Variants in PABPC1 observed in about 807,000 individuals in gnomAD.
The protein encoded by PABPC1 is polyadenylate-binding protein 1.
PABPC1 carries 4 observed loss-of-function variants against 74.0 expected under a neutral mutation model. That is an observed-to-expected ratio of 0.05 (90% confidence interval 0.03 to 0.12). The LOEUF (loss-of-function observed/expected upper bound fraction) is 0.12, where lower values mean the gene tolerates loss of function less well. PABPC1 is among the 10% of genes least tolerant of loss of function. The pLI is 1.00. For synonymous variants in PABPC1, 227 were observed against 264.1 expected (o/e 0.86, Z 1.36); for missense variants, 271 against 821.1 (o/e 0.33, Z 8.19).
chr8:100,704,218 AT>A, intron 14 of PABPC1, 78 bp downstream of exon 14: 1 of 1,102,522 alleles, frequency 9.1e-7, no homozygotes, highest in Non-Finnish European at 1.4e-6. Context: ...TGCTATGTAC[AT>A]TTCAAAATAT....
Position 100,721,789 on chromosome 8 carries a change from G to A in PABPC1, c.-206C>T. On this transcript the variant is annotated 5_prime_UTR_variant, in exon 1 of 15. Transcript: ENST00000318607. This position sits in a 1 kb window ranked among gnomAD's most constrained non-coding sequence, Gnocchi z 7.4. ...TGGCTGCCGGCTGCCGGCGGGGAGCGAGGGTGGCGGTGTCGGGTCCGGGCA... is the reference window on the plus strand; with the variant it reads ...TGGCTGCCGGCTGCCGGCGGGGAGCAAGGGTGGCGGTGTCGGGTCCGGGCA... 2.3e-6 allele frequency: 1 copy of A among 443,320 alleles called. No individual in the cohort carries two copies. Among genetic ancestry groups the A allele is most frequent in the Non-Finnish European group, 4.0e-6 (1 of 252,376 alleles). The allele number at this position is 443,320 out of a possible 1,614,324, so 27.5% of individuals were successfully genotyped here.
intron 13 of PABPC1, 44 bp from the exon 14 acceptor site, chr8:100,704,434 G>A: frequency 1.4e-6 from 2 of 1,458,490 alleles, no homozygotes; most frequent in Non-Finnish European, 1.9e-6. Context: ...GAAAGGAATG[G>A]AAATAAAGAG....
At chr8:100,708,301 A>T (rs962298838) in intron 9 of PABPC1, among the ~76,000 whole-genome samples, 6 of 152,178 alleles carry the variant, frequency 3.9e-5, no homozygotes, top group African/African-American at 1.4e-4. Flanking sequence ...CAAAAAATTT[A>T]AAAAATTAGC....
In PABPC1 at chr8:100,721,635, G is replaced by A. The variant is rs1163282673; in HGVS notation, c.-52C>T. 2.9e-6 allele frequency: 4 copies of A among 1,397,904 alleles called. No homozygotes were observed. The African/African-American group carries it at 4.4e-5, about 15-fold the overall frequency. 86.6% of individuals were successfully genotyped at this position (1,397,904 alleles called of 1,614,324 possible). Reference sequence around the variant, plus strand: ...AGGCCGCGACCTTTCCGTGAGAGGAGGAGAGCGAGTGCCGGGGCTGGGGGC... The same window carrying A: ...AGGCCGCGACCTTTCCGTGAGAGGAAGAGAGCGAGTGCCGGGGCTGGGGGC... On this transcript the variant is annotated 5_prime_UTR_variant, in exon 1 of 15. Coordinates refer to ENST00000318607, the MANE Select transcript of PABPC1 (RefSeq NM_002568.4). The surrounding 1 kb of genome is among the most constrained non-coding windows in gnomAD (Gnocchi z 7.4).
At position 100,721,289 on chromosome 8, in the gene PABPC1, C is replaced by A; in HGVS notation, c.193+102G>T. 3.0e-6 allele frequency: 1 copy of A among 334,890 alleles called. No homozygotes were observed. The allele number at this position is 334,890 out of a possible 1,614,324, so 20.7% of individuals were successfully genotyped here. On this transcript the variant is annotated intron_variant, in intron 1 of 14. Coordinates refer to ENST00000318607, the MANE Select transcript of PABPC1 (RefSeq NM_002568.4). This position sits in a 1 kb window ranked among gnomAD's most constrained non-coding sequence, Gnocchi z 7.4. ...CGGCCGTCGCGGGGTGACATGCCCT[C>A]CCGCCCCCCTCCCCGGGCCCGCCGG...
At chr8:100,703,758 T>C (rs1810306946) in intron 14 of PABPC1, among the ~76,000 whole-genome samples, 2 of 152,088 alleles carry the variant, frequency 1.3e-5, no homozygotes, top group African/African-American at 4.8e-5. Context: ...TATATTACTA[T>C]ACAAAATCTG....
chr8:100,713,393 C>T (rs1035886267), intron 4 of PABPC1, among the ~76,000 whole-genome samples: 1 of 152,182 alleles, frequency 6.6e-6, no homozygotes, highest in African/African-American at 2.4e-5. Flanking sequence ...CTGAAGGATT[C>T]CTCCTTCCAT....
chr8:100,719,564 A>G (rs549280742), intron 1 of PABPC1, among the ~76,000 whole-genome samples: 1 of 152,334 alleles, frequency 6.6e-6, no homozygotes, highest in South Asian at 2.1e-4. Context: ...AATTGTACAT[A>G]CAGAAACTAG....
At chr8:100,707,355 C>T (rs1810407589) in intron 9 of PABPC1, among the ~76,000 whole-genome samples, 1 of 151,236 alleles carries the variant, frequency 6.6e-6, no homozygotes, top group Admixed American at 6.6e-5. Context: ...CCAGTAGTGG[C>T]CCTGAATGTC....
intron 9 of PABPC1, among the ~76,000 whole-genome samples, chr8:100,707,738 T>C (rs1810418825): frequency 6.6e-6 from 1 of 152,112 alleles, no homozygotes; most frequent in Non-Finnish European, 1.5e-5. Flanking sequence ...CCACAAGAGG[T>C]GGAGGAGCAG....
At chr8:100,712,566 CT>C in intron 6 of PABPC1, 85 bp downstream of exon 6, 1 of 1,523,744 alleles carries the variant, frequency 6.6e-7, no homozygotes, top group East Asian at 2.3e-5. Context: ...CTCTCAAACC[CT>C]CCAGCTACCT....
At chr8:100,706,499 C>T in intron 11 of PABPC1, 152 bp downstream of exon 11, 1 of 562,488 alleles carries the variant, frequency 1.8e-6, no homozygotes. Flanking sequence ...GTTGCCCAGG[C>T]TGGTCCCAAA....
chr8:100,704,855 A>T, intron 13 of PABPC1, 71 bp downstream of exon 13: 1 of 1,451,514 alleles, frequency 6.9e-7, no homozygotes, highest in South Asian at 1.2e-5. Context: ...AGTGTTCTGT[A>T]CAATTAAGTC....
At chr8:100,720,697 T>C (rs893944702) in intron 1 of PABPC1, among the ~76,000 whole-genome samples, 1 of 152,168 alleles carries the variant, frequency 6.6e-6, no homozygotes, top group Non-Finnish European at 1.5e-5. Context: ...CTCTGCCCTT[T>C]TAATGTTAGA....
chr8:100,708,908 A>AAAT lies in PABPC1; in HGVS notation c.1336+222_1336+224dup, dbSNP rs1563610918. Among the ~76,000 whole-genome samples, 192 of 132,714 alleles carry AAAT rather than the reference A, an allele frequency of 1.4e-3. 1 individual carries two copies. The highest frequency in any genetic ancestry group is 5.1e-3 in the African/African-American group (182 of 35,984). 87.1% of individuals were successfully genotyped at this position (132,714 alleles called of 152,430 possible). A position where few individuals can be genotyped will look rare whatever the true frequency, so the allele number is the denominator to read the frequency against. ...ATAAATAAATAAATAAATAAATAAA[A>AAAT]AATGAAGAGCTGTACCTATTCCCAA... is the stretch of plus-strand genomic sequence containing the variant. On this transcript the variant is annotated intron_variant, in intron 9 of 14. Coordinates refer to ENST00000318607, the MANE Select transcript of PABPC1 (RefSeq NM_002568.4).
chr8:100,710,993 TAA>T (rs2129706788), intron 7 of PABPC1, among the ~76,000 whole-genome samples: 1 of 143,366 alleles, frequency 7.0e-6, no homozygotes, highest in East Asian at 2.2e-4. Context: ...CCTTAATCAA[TAA>T]AAAGACAGAC....
At position 100,721,250 on chromosome 8, in the gene PABPC1, C is replaced by T. The variant is rs1810818948; in HGVS notation, c.193+141G>A. The T allele has an allele frequency of 3.8e-6, 1 of 261,838 alleles. No homozygotes were observed. The highest frequency in any genetic ancestry group is 6.1e-6 in the Non-Finnish European group (1 of 163,176). 16.2% of individuals were successfully genotyped at this position (261,838 alleles called of 1,614,324 possible). A position where few individuals can be genotyped will look rare whatever the true frequency, so the allele number is the denominator to read the frequency against. On this transcript the variant is annotated intron_variant, in intron 1 of 14. Transcript: ENST00000318607. The surrounding 1 kb of genome is among the most constrained non-coding windows in gnomAD (Gnocchi z 7.4). ...TCGGGAAACGCGGCTCCAGGGACCC[C>T]GGCGCCTTCCCGCCGGCCGTCGCGG...
Position 100,712,988 on chromosome 8 carries a change from T to C in PABPC1, c.738+99A>G, listed in dbSNP as rs754218258. 4 of 1,048,476 alleles carry C rather than the reference T, an allele frequency of 3.8e-6. No homozygotes were observed. In the South Asian group the frequency reaches 5.0e-5, roughly 13 times the overall value. 64.9% of individuals were successfully genotyped at this position (1,048,476 alleles called of 1,614,324 possible). ...CATAAAATGCAAATAACTGAAAATA[T>C]AAGAACATGTCAAATAGCTATTAGT... On this transcript the variant is annotated intron_variant, in intron 5 of 14. Transcript: ENST00000318607.
intron 7 of PABPC1, among the ~76,000 whole-genome samples, chr8:100,710,859 T>C (rs1231627148): frequency 6.6e-6 from 1 of 151,888 alleles, no homozygotes; most frequent in Non-Finnish European, 1.5e-5. Flanking sequence ...TGGTGGCAGG[T>C]GCATATAATC....
Sources: allele counts gnomAD v4.1 joint callset (sites outside exome capture counted in the v4.1 genomes callset), GRCh38; gene constraint gnomAD v4.1.1; non-coding constraint Gnocchi (gnomAD v3.1); transcripts MANE v1.5; gene names NCBI Gene and HGNC (gene_info 2026-07-23, HGNC 2026-07-21).